The following SLC2A7 variants were observed in gnomAD, a reference collection of about 807,000 sequenced individuals.
SLC2A7 encodes solute carrier family 2, facilitated glucose transporter member 7.
In SLC2A7, 50 loss-of-function variants were observed where a neutral mutation model predicts 50.5. That is an observed-to-expected ratio of 0.99 (90% CI 0.79 to 1.25). SLC2A7 has a LOEUF of 1.25. Ranked by LOEUF, SLC2A7 falls within the 50% of genes most tolerant of loss-of-function variation. The pLI is 0.00. For missense variants in SLC2A7, 683 were observed against 679.1 expected, an observed-to-expected ratio of 1.01 and a Z score of -0.06; for synonymous variants, 308 against 300.4, an observed-to-expected ratio of 1.03 and a Z score of -0.26.
chr1:9,002,671 C>T (rs1490327853), downstream of SLC2A7, among the ~76,000 whole-genome samples: 2 of 152,182 alleles, frequency 1.3e-5, no homozygotes, highest in Non-Finnish European at 2.9e-5. Context: ...TGGTGAGGGT[C>T]CTCCGTATGC....
At chr1:9,005,709 A>G (rs1640644345) in intron 10 of SLC2A7, among the ~76,000 whole-genome samples, 2 of 150,874 alleles carry the variant, frequency 1.3e-5, no homozygotes, top group Non-Finnish European at 3.0e-5. Context: ...AGGAGGCTGA[A>G]GCAGGATAAT....
rs1557653846 is a variant in SLC2A7 at position 9,023,835 on chromosome 1, C to CTTTTTTTTTTTTTT, written c.151-758_151-757insAAAAAAAAAAAAAA. The stretch of plus-strand genomic sequence containing the variant: ...CAGAGGCACCATAGGAAATATTCTT[C>CTTTTTTTTTTTTTT]TTCTTTTTTTTTTTTTTTTTTTTTT... On this transcript the variant is annotated intron_variant, in intron 2 of 11. Transcript: ENST00000400906. Among the ~76,000 whole-genome samples, 24 of 65,996 alleles carry CTTTTTTTTTTTTTT rather than the reference C, an allele frequency of 3.6e-4. 6 individuals carry two copies. Among genetic ancestry groups the CTTTTTTTTTTTTTT allele is most frequent in the South Asian group, 1.3e-3 (2 of 1,484 alleles). 43.3% of individuals were successfully genotyped at this position (65,996 alleles called of 152,430 possible).
chr1:9,023,606 CA>C (rs961999568), intron 2 of SLC2A7, among the ~76,000 whole-genome samples: 43 of 142,508 alleles, frequency 3.0e-4, no homozygotes, highest in Admixed American at 6.3e-4. Flanking sequence ...GACTCCGTCT[CA>C]AAAAAAAAAA....
intron 3 of SLC2A7, among the ~76,000 whole-genome samples, chr1:9,020,374 T>C (rs1445194233): frequency 6.6e-6 from 1 of 152,188 alleles, no homozygotes; most frequent in Non-Finnish European, 1.5e-5. Flanking sequence ...GGGTGCAGAA[T>C]GGGACTACAT....
chr1:8,993,033 C>T, the SLC2A7 span, among the ~76,000 whole-genome samples: 1 of 152,204 alleles, frequency 6.6e-6, no homozygotes, highest in African/African-American at 2.4e-5. Flanking sequence ...TAAAGACATA[C>T]CTGAGACTGG....
chr1:9,026,332 T>C lies in SLC2A7; in HGVS notation c.14A>G (p.Glu5Gly). MENK[E>G]AGTPPPIPSR... ...TGGAATGGGTGGAGGGGTTCCCGCC[T>C]CTTTGTTCTCCATCCTTGTTCAGGT... is the stretch of plus-strand genomic sequence containing the variant. The change falls in exon 1 of 12, where the codon GAG (glutamate) becomes GGG (glycine). Residue 5 changes from glutamate (E) to glycine (G), a missense_variant. Glu to Gly is a moderately conservative substitution (Grantham distance 98). Coordinates refer to ENST00000400906, the MANE Select transcript of SLC2A7 (RefSeq NM_207420.3). The C allele has an allele frequency of 1.9e-6, 3 of 1,608,808 alleles. No individual in the cohort carries two copies. Among genetic ancestry groups the C allele is most frequent in the Non-Finnish European group, 2.5e-6 (3 of 1,177,580 alleles).
At chr1:9,023,182 G>C in intron 2 of SLC2A7, 104 bp from the exon 3 acceptor site, 1 of 1,226,264 alleles carries the variant, frequency 8.2e-7, no homozygotes, top group Non-Finnish European at 1.1e-6. Context: ...AGGTTTTTCT[G>C]CTAACACCTA....
At chr1:9,025,154 C>T in intron 1 of SLC2A7, 80 bp from the exon 2 acceptor site, 1 of 1,427,704 alleles carries the variant, frequency 7.0e-7, no homozygotes. Context: ...CACCTCCCTC[C>T]AGCCTGGGCT....
At chr1:9,013,700 A>C in intron 7 of SLC2A7, 65 bp from the exon 8 acceptor site, 253 of 1,364,998 alleles carry the variant, frequency 1.9e-4, no homozygotes, top group Non-Finnish European at 2.5e-4. Flanking sequence ...TAACTTTCTC[A>C]ACTCAAGCCA....
Position 9,025,909 on chromosome 1 carries a change from G to A in SLC2A7, c.51+386C>T, listed in dbSNP as rs115070679. Among the ~76,000 whole-genome samples, 770 of 152,232 alleles carry A rather than the reference G, an allele frequency of 5.1e-3. 4 individuals carry two copies. Among genetic ancestry groups the A allele is most frequent in the African/African-American group, 0.018 (740 of 41,544 alleles). On this transcript the variant is annotated intron_variant, in intron 1 of 11. Transcript: ENST00000400906. ...GTCCTCACCCCAACCCTCACACTTA[G>A]CTGCCTGGCTGCCCACAGCCCGTAG... is the stretch of plus-strand genomic sequence containing the variant.
chr1:9,010,648 G>A (rs563174372), intron 8 of SLC2A7, among the ~76,000 whole-genome samples: 23 of 151,998 alleles, frequency 1.5e-4, no homozygotes, highest in East Asian at 5.8e-4. Flanking sequence ...GTGAGCCACC[G>A]TGCGTCACCT....
chr1:9,012,791 A>G (rs534122073), intron 8 of SLC2A7, among the ~76,000 whole-genome samples: 1 of 152,368 alleles, frequency 6.6e-6, no homozygotes, highest in African/African-American at 2.4e-5. Flanking sequence ...ATGAAACTGC[A>G]CCAACAAAAA....
downstream of SLC2A7, among the ~76,000 whole-genome samples, chr1:8,998,238 T>C (rs1026534853): frequency 5.9e-5 from 9 of 152,048 alleles, no homozygotes; most frequent in African/African-American, 9.7e-5. Flanking sequence ...ACCCTGTCTC[T>C]ACTAAAAATA....
At chr1:9,007,261 C>T (rs780411812) in intron 10 of SLC2A7, 49 bp downstream of exon 10, 3 of 1,602,058 alleles carry the variant, frequency 1.9e-6, no homozygotes, top group Non-Finnish European at 2.6e-6. Context: ...GTGTCAGGCC[C>T]AGGAATGGAC....
At chr1:9,013,188 G>C (rs1640774824) in intron 8 of SLC2A7, among the ~76,000 whole-genome samples, 1 of 152,022 alleles carries the variant, frequency 6.6e-6, no homozygotes. Flanking sequence ...CACCACACCT[G>C]GCTAATTTTT....
Position 9,022,950 on chromosome 1 carries a change from C to A in SLC2A7, c.279G>T (p.Leu93Phe). 1.9e-6 allele frequency: 3 copies of A among 1,614,122 alleles called. No individual in the cohort carries two copies. The highest frequency in any genetic ancestry group is 2.5e-6 in the Non-Finnish European group (3 of 1,180,012). ...MFPLGGLLGS[L>F]LVGLLVDSCG... ...AGCTATCAACCAGCAGGCCCACGAGCAATGACCCCAACAGGCCGCCCAGAG... is the reference window on the plus strand; with the variant it reads ...AGCTATCAACCAGCAGGCCCACGAGAAATGACCCCAACAGGCCGCCCAGAG... Residue 93 changes from leucine to phenylalanine, a missense_variant, in exon 3 of 12, where the codon TTG (leucine) becomes TTT (phenylalanine). By Grantham distance (22) the Leu-to-Phe change is conservative. Transcript: ENST00000400906.
chr1:8,995,812 G>A, the SLC2A7 span, among the ~76,000 whole-genome samples: 1 of 152,160 alleles, frequency 6.6e-6, no homozygotes, highest in Non-Finnish European at 1.5e-5. Flanking sequence ...TTGTGGCCCA[G>A]GCTGGAGTGC....
chr1:9,008,657 T>C lies in SLC2A7; in HGVS notation c.1117-1272A>G, dbSNP rs1480404692. On this transcript the variant is annotated intron_variant, in intron 9 of 11. Coordinates refer to ENST00000400906, the MANE Select transcript of SLC2A7 (RefSeq NM_207420.3). This position sits in a 1 kb window ranked among gnomAD's most constrained non-coding sequence, Gnocchi z 5.9. ...TCTGTCACCCAGGCTGGAGCAGTGC[T>C]GTGATCTTGGCTCACTGCAACCTCT... Among the ~76,000 whole-genome samples, 1 of 151,682 alleles carries C rather than the reference T, an allele frequency of 6.6e-6. No homozygotes were observed. The highest frequency in any genetic ancestry group is 1.5e-5 in the Non-Finnish European group (1 of 67,944).
At chr1:9,002,503 G>A (rs188303626), downstream of SLC2A7, among the ~76,000 whole-genome samples, 6 of 152,300 alleles carry the variant, frequency 3.9e-5, no homozygotes, top group Admixed American at 3.9e-4. Context: ...TCAAGGCACA[G>A]CACCTTTCCT....
Sources: allele counts gnomAD v4.1 joint callset (sites outside exome capture counted in the v4.1 genomes callset), GRCh38; gene constraint gnomAD v4.1.1; non-coding constraint Gnocchi (gnomAD v3.1); transcripts MANE v1.5; gene names NCBI Gene and HGNC (gene_info 2026-07-23, HGNC 2026-07-21).